The following EPHA2 variants were observed in gnomAD, a reference collection of about 807,000 sequenced individuals.
EPHA2 encodes the protein ephrin type-A receptor 2.
In EPHA2, 54 loss-of-function variants were observed where a neutral mutation model predicts 104.9. The observed-to-expected ratio is 0.51, with a 90% CI of 0.41 to 0.65. The LOEUF is 0.65. Among genes scored for constraint, EPHA2 ranks in the 30% least tolerant of loss-of-function variants. The pLI, the probability that EPHA2 is intolerant of heterozygous loss-of-function variation, is 0.00. For missense variants in EPHA2, 1,117 were observed against 1,369.5 expected (o/e 0.82, Z 2.91); for synonymous variants, 560 against 559.1 (o/e 1.00, Z -0.02).
intron 3 of EPHA2, among the ~76,000 whole-genome samples, chr1:16,146,924 G>C (rs2024944829): frequency 6.6e-6 from 1 of 152,216 alleles, no homozygotes; most frequent in African/African-American, 2.4e-5. Flanking sequence ...CCAGAGATGA[G>C]GGGGGAGTTA....
chr1:16,134,288 C>T lies in EPHA2; in HGVS notation c.1682+180G>A, dbSNP rs2124210274. On this transcript the variant is annotated intron_variant, in intron 8 of 16. Transcript: ENST00000358432. The surrounding 1 kb of genome is among the most constrained non-coding windows in gnomAD (Gnocchi z 4.5). ...AGGTAATGACCCCCGTGTCCCGGCC[C>T]CGCCGCGTGCCAGGCACTTCGCTAC... Among the ~76,000 whole-genome samples, 2 of 152,312 alleles carry T rather than the reference C, an allele frequency of 1.3e-5. No individual in the cohort carries two copies. Among genetic ancestry groups the T allele is most frequent in the Middle Eastern group, 6.8e-3 (2 of 294 alleles).
In EPHA2 at chr1:16,124,886, A is replaced by C; in HGVS notation, c.*329T>G. ...CTCCTGAGATGGCCTCATGTGGGAG[A>C]AGGCGGAGGGAAGGTCGGCTTGGGA... is the stretch of plus-strand genomic sequence containing the variant. On this transcript the variant is annotated 3_prime_UTR_variant, in exon 17 of 17. Coordinates refer to ENST00000358432, the MANE Select transcript of EPHA2 (RefSeq NM_004431.5). 1 of 310,116 alleles carries C rather than the reference A, an allele frequency of 3.2e-6. No individual in the cohort carries two copies. The highest frequency in any genetic ancestry group is 6.3e-6 in the Non-Finnish European group (1 of 157,972). The allele number at this position is 310,116 out of a possible 1,614,324, so 19.2% of individuals were successfully genotyped here.
chr1:16,129,233 A>G (rs1327374933), intron 16 of EPHA2, among the ~76,000 whole-genome samples: 2 of 151,776 alleles, frequency 1.3e-5, no homozygotes, highest in Non-Finnish European at 2.9e-5. Flanking sequence ...ATGTAGGAAG[A>G]GGAGAGAGCT....
intron 3 of EPHA2, among the ~76,000 whole-genome samples, chr1:16,142,868 C>T (rs1289311658): frequency 1.6e-4 from 5 of 30,412 alleles, no homozygotes; most frequent in South Asian, 1.2e-3. Flanking sequence ...ATGGATGGGG[C>T]GGAGGATGGA....
chr1:16,126,854 T>G (rs1460217724), intron 16 of EPHA2, among the ~76,000 whole-genome samples: 2 of 152,180 alleles, frequency 1.3e-5, no homozygotes, highest in African/African-American at 2.4e-5. Flanking sequence ...CCTTGTCATC[T>G]GGGCCCATCA....
chr1:16,132,083 T>C lies in EPHA2; in HGVS notation c.2306A>G (p.Glu769Gly), dbSNP rs1490203238. The change falls in exon 13 of 17, where the codon GAG becomes GGG. Residue 769 changes from glutamate to glycine, a missense_variant. Glu to Gly is a moderately conservative substitution (Grantham distance 98). This residue lies in a region of EPHA2 where 340 missense variants were observed against 480.5 expected (regional missense o/e 0.71). Transcript: ENST00000358432. The stretch of plus-strand genomic sequence containing the variant: ...ACTTACACTGGTGGTGTAGGTGGCC[T>C]CGGGGTCGTCCTCCAGCACGCGGGA... ...GLSRVLEDDP[E>G]ATYTTSGGKI... 2 of 1,613,996 alleles carry C rather than the reference T, an allele frequency of 1.2e-6. No individual in the cohort carries two copies. Among genetic ancestry groups the C allele is most frequent in the South Asian group, 2.2e-5 (2 of 91,074 alleles).
intron 3 of EPHA2, among the ~76,000 whole-genome samples, chr1:16,144,968 G>A (rs1013262344): frequency 3.3e-5 from 5 of 152,222 alleles, no homozygotes; most frequent in Admixed American, 2.0e-4. Flanking sequence ...CTATGAACTA[G>A]GGGATCATGA....
intron 1 of EPHA2, among the ~76,000 whole-genome samples, chr1:16,154,350 GAC>G (rs2025106595): frequency 6.6e-6 from 1 of 152,070 alleles, no homozygotes; most frequent in Non-Finnish European, 1.5e-5. Context: ...CAGAGACTGA[GAC>G]AGGATGCCAC....
At chr1:16,141,764 G>GGCCT (rs1259035756) in intron 3 of EPHA2, among the ~76,000 whole-genome samples, 1 of 152,266 alleles carries the variant, frequency 6.6e-6, no homozygotes, top group Non-Finnish European at 1.5e-5. Context: ...GCCCGGGGGT[G>GGCCT]GCCTGCCTGC....
At chr1:16,142,916 G>T (rs1479671738) in intron 3 of EPHA2, among the ~76,000 whole-genome samples, 6 of 146,290 alleles carry the variant, frequency 4.1e-5, no homozygotes, top group African/African-American at 5.1e-5. Flanking sequence ...GTTGGTGGGT[G>T]GACGGATGGA....
rs759796207 is a variant in EPHA2 at position 16,150,694 on chromosome 1, G to A, written c.153+202C>T. 6.6e-6 allele frequency among the ~76,000 whole-genome samples: 1 copy of A among 152,214 alleles called. No individual in the cohort carries two copies. ...CTCTCAGGCTTACACCCACACCCTCGTACCTTCCCACGCCCATCCAGCCCT... is the reference window on the plus strand; with the variant it reads ...CTCTCAGGCTTACACCCACACCCTCATACCTTCCCACGCCCATCCAGCCCT... On this transcript the variant is annotated intron_variant, in intron 2 of 16. Coordinates refer to ENST00000358432, the MANE Select transcript of EPHA2 (RefSeq NM_004431.5). The surrounding 1 kb of genome is among the most constrained non-coding windows in gnomAD (Gnocchi z 4.8).
chr1:16,125,388 G>GC lies in EPHA2; in HGVS notation c.2826-69_2826-68insG. 5.3e-6 allele frequency: 2 copies of GC among 376,142 alleles called. No homozygotes were observed. The highest frequency in any genetic ancestry group is 2.1e-5 in the African/African-American group (1 of 47,288). The allele number at this position is 376,142 out of a possible 1,614,324, so 23.3% of individuals were successfully genotyped here. ...AGGGGAGGGGGCCGGGCTGGGTGGG[G>GC]ACAGGACTCGGTGGGCGGCTGGGGA... On this transcript the variant is annotated intron_variant, in intron 16 of 16. Coordinates refer to ENST00000358432, the MANE Select transcript of EPHA2 (RefSeq NM_004431.5). The surrounding 1 kb of genome is among the most constrained non-coding windows in gnomAD (Gnocchi z 4.9).
intron 3 of EPHA2, among the ~76,000 whole-genome samples, chr1:16,145,348 C>T (rs533153727): frequency 1.3e-5 from 2 of 152,232 alleles, no homozygotes; most frequent in Admixed American, 1.3e-4. Flanking sequence ...CTCCGGGCAG[C>T]GTGCCCACCT....
Position 16,125,355 on chromosome 1 carries a change from GCTGGAGCA to G in EPHA2, c.2826-43_2826-36del. 1.3e-6 allele frequency: 2 copies of G among 1,515,220 alleles called. No homozygotes were observed. Among genetic ancestry groups the G allele is most frequent in the Non-Finnish European group, 9.1e-7 (1 of 1,101,734 alleles). 93.9% of individuals were successfully genotyped at this position (1,515,220 alleles called of 1,614,324 possible). A position where few individuals can be genotyped will look rare whatever the true frequency, so the allele number is the denominator to read the frequency against. On this transcript the variant is annotated intron_variant, in intron 16 of 16. Transcript: ENST00000358432. The surrounding 1 kb of genome is among the most constrained non-coding windows in gnomAD (Gnocchi z 4.9). ...GGGAGGGAGAGAGGGAGAGTTAGGGGCTGGAGCAGGGGAGGGGGCCGGGCTGGGTGGGG... is the reference window on the plus strand; with the variant it reads ...GGGAGGGAGAGAGGGAGAGTTAGGGGGGGGAGGGGGCCGGGCTGGGTGGGG...
At position 16,132,182 on chromosome 1, in the gene EPHA2, A is replaced by G; in HGVS notation, c.2207T>C (p.Val736Ala). 6.2e-7 allele frequency: 1 copy of G among 1,614,236 alleles called. No homozygotes were observed. The highest frequency in any genetic ancestry group is 2.2e-5 in the East Asian group (1 of 44,890). ...GMKYLANMNY[V>A]HRDLAARNIL... ...GTTGCGGGCAGCCAGGTCACGGTGC[A>G]CATAGTTCATGTTGGCCAGGTACTT... Residue 736 changes from valine to alanine, a missense_variant, in exon 13 of 17, where the codon GTG (valine) becomes GCG (alanine). This residue lies in a region of EPHA2 where 340 missense variants were observed against 480.5 expected (regional missense o/e 0.71). Transcript: ENST00000358432.
In EPHA2 at chr1:16,130,303, G is replaced by A. The variant is rs572281924; in HGVS notation, c.2592C>T (p.Phe864=). ...TGTCCAGGATGCTGACGATGTCAGCGAACTTGGGGCGGCGGGCACGCTCCT... is the reference window on the plus strand; with the variant it reads ...TGTCCAGGATGCTGACGATGTCAGCAAACTTGGGGCGGCGGGCACGCTCCT... ...WQQERARRPK[F]ADIVSILDKL... The change falls in exon 15 of 17, where the codon TTC becomes TTT. Residue 864 remains phenylalanine, a synonymous_variant. Coordinates refer to ENST00000358432, the MANE Select transcript of EPHA2 (RefSeq NM_004431.5). The surrounding 1 kb of genome is among the most constrained non-coding windows in gnomAD (Gnocchi z 4.5). The A allele has an allele frequency of 4.3e-6, 7 of 1,611,836 alleles. No individual in the cohort carries two copies. Among genetic ancestry groups the A allele is most frequent in the African/African-American group, 1.3e-5 (1 of 75,032 alleles).
At chr1:16,137,523 G>A (rs1020341577) in intron 5 of EPHA2, among the ~76,000 whole-genome samples, 25 of 152,110 alleles carry the variant, frequency 1.6e-4, no homozygotes, top group Non-Finnish European at 3.2e-4. Context: ...GCTTGAACCC[G>A]GAAGGCAGAG....
chr1:16,144,620 C>T (rs1214729389), intron 3 of EPHA2, among the ~76,000 whole-genome samples: 2 of 152,218 alleles, frequency 1.3e-5, no homozygotes, highest in African/African-American at 2.4e-5. Context: ...CAGACTGAGC[C>T]CCAGTGGGAA....
At position 16,134,772 on chromosome 1, in the gene EPHA2, C is replaced by A. The variant is rs746240286; in HGVS notation, c.1583-205G>T. 1.3e-5 allele frequency among the ~76,000 whole-genome samples: 2 copies of A among 152,178 alleles called. No individual in the cohort carries two copies. The highest frequency in any genetic ancestry group is 2.9e-5 in the Non-Finnish European group (2 of 68,040). On this transcript the variant is annotated intron_variant, in intron 7 of 16. Coordinates refer to ENST00000358432, the MANE Select transcript of EPHA2 (RefSeq NM_004431.5). The surrounding 1 kb of genome is among the most constrained non-coding windows in gnomAD (Gnocchi z 4.5). ...CGGGAGGTATTGCAGGTATGTGGGG[C>A]TCAAAGCTCTGGCTTTTTCTGAGAT...
Sources: gnomAD v4.1 joint callset for allele counts (sites outside exome capture counted in the v4.1 genomes callset) on GRCh38, gnomAD v4.1.1 for gene constraint, gnomAD v4.1.1 regional missense constraint, Gnocchi (gnomAD v3.1) non-coding constraint, MANE v1.5 for transcripts, NCBI Gene and HGNC (gene_info 2026-07-23, HGNC 2026-07-21) for gene names.